Variants in PRELID2 observed in about 807,000 individuals in gnomAD.
PRELID2 encodes the protein PRELI domain containing 2, also known as PRELI domain-containing protein 2.
PRELID2 carries 25 observed loss-of-function variants against 28.4 expected under a neutral mutation model. The ratio of observed to expected loss-of-function variants is 0.88; its 90% CI spans 0.64 to 1.23. The LOEUF is 1.23. Among genes scored for constraint, PRELID2 ranks in the 50% most tolerant of loss-of-function variants. The probability of loss-of-function intolerance (pLI) is 0.00; values close to 1 mark genes in which losing one functional copy is unlikely to be tolerated. For synonymous variants in PRELID2, 76 were observed against 71.6 expected (o/e 1.06, Z -0.31); for missense variants, 201 against 214.4 (o/e 0.94, Z 0.39).
chr5:145,834,488 C>T (rs924517432), intron 1 of PRELID2, among the ~76,000 whole-genome samples: 2 of 152,150 alleles, frequency 1.3e-5, no homozygotes, highest in African/African-American at 4.8e-5. Context: ...TTTAAAAACC[C>T]ACTTTCGACT....
At chr5:145,479,003 T>C (rs1206562418) in intron 1 of PRELID2, among the ~76,000 whole-genome samples, 1 of 152,188 alleles carries the variant, frequency 6.6e-6, no homozygotes, top group East Asian at 1.9e-4. Context: ...GCCTTCAGAA[T>C]CAAGAAGATT....
At chr5:145,786,513 T>A (rs192548013) in intron 5 of PRELID2, among the ~76,000 whole-genome samples, 4 of 152,244 alleles carry the variant, frequency 2.6e-5, no homozygotes, top group Admixed American at 2.6e-4. Context: ...CCATGTGAGT[T>A]TGGAGATGAA....
chr5:145,415,371 T>C, the PRELID2 span, among the ~76,000 whole-genome samples: 42 of 152,024 alleles, frequency 2.8e-4, no homozygotes, highest in East Asian at 2.1e-3. Flanking sequence ...CATGCTGGTG[T>C]GCTGCACCCA....
chr5:145,732,453 T>A (rs899322713), intron 1 of PRELID2, among the ~76,000 whole-genome samples: 2 of 152,256 alleles, frequency 1.3e-5, no homozygotes, highest in African/African-American at 4.8e-5. Context: ...ATGTTCTATA[T>A]CCGCACTGTC....
At chr5:145,294,457 T>C in the PRELID2 span, among the ~76,000 whole-genome samples, 1 of 152,150 alleles carries the variant, frequency 6.6e-6, no homozygotes, top group Non-Finnish European at 1.5e-5. Flanking sequence ...AACTAAAAGT[T>C]CTGTATCCAC....
chr5:145,821,453 G>A (rs2149871228), intron 2 of PRELID2, among the ~76,000 whole-genome samples: 1 of 152,234 alleles, frequency 6.6e-6, no homozygotes, highest in South Asian at 2.1e-4. Flanking sequence ...CTGCGGTGAA[G>A]TTTCCAGAAT....
intron 1 of PRELID2, among the ~76,000 whole-genome samples, chr5:145,645,854 T>C (rs909920279): frequency 6.6e-6 from 1 of 152,212 alleles, no homozygotes; most frequent in Admixed American, 6.5e-5. Context: ...ATGTTGAATA[T>C]TGGCCCCACT....
chr5:145,333,665 G>A, the PRELID2 span, among the ~76,000 whole-genome samples: 1 of 152,220 alleles, frequency 6.6e-6, no homozygotes, highest in Non-Finnish European at 1.5e-5. Context: ...TGCTTTGCTG[G>A]CAGCGAGAAT....
intron 1 of PRELID2, among the ~76,000 whole-genome samples, chr5:145,680,753 G>T (rs946948170): frequency 1.3e-5 from 2 of 152,038 alleles, no homozygotes; most frequent in Non-Finnish European, 2.9e-5. Flanking sequence ...GCTTAAGATA[G>T]TTTTAGTGCT....
At chr5:145,807,808 C>A (rs1041372829) in intron 4 of PRELID2, among the ~76,000 whole-genome samples, 2 of 152,106 alleles carry the variant, frequency 1.3e-5, no homozygotes, top group African/African-American at 4.8e-5. Flanking sequence ...GGTGATGAAG[C>A]ATCTTCTGGG....
At chr5:145,580,833 C>T (rs879438041) in intron 1 of PRELID2, among the ~76,000 whole-genome samples, 18 of 152,050 alleles carry the variant, frequency 1.2e-4, no homozygotes, top group Non-Finnish European at 2.2e-4. Context: ...ACTTGAATTA[C>T]TGGAGCTAGC....
chr5:145,803,496 T>C (rs970516923), intron 4 of PRELID2, among the ~76,000 whole-genome samples: 1 of 152,126 alleles, frequency 6.6e-6, no homozygotes, highest in African/African-American at 2.4e-5. Flanking sequence ...ATTCACATCT[T>C]GTTTTAGCTT....
intron 1 of PRELID2, among the ~76,000 whole-genome samples, chr5:145,824,084 C>A (rs2149875971): frequency 6.6e-6 from 1 of 152,194 alleles, no homozygotes; most frequent in South Asian, 2.1e-4. Context: ...TAAATTAACA[C>A]AATCCTTTCC....
At chr5:145,630,409 C>T (rs1414587934) in intron 1 of PRELID2, among the ~76,000 whole-genome samples, 3 of 152,082 alleles carry the variant, frequency 2.0e-5, no homozygotes, top group Non-Finnish European at 4.4e-5. Context: ...GTATGCCTTA[C>T]CTATTCCAAA....
At chr5:145,373,713 A>T in the PRELID2 span, among the ~76,000 whole-genome samples, 295 of 56,284 alleles carry the variant, frequency 5.2e-3, 14 homozygotes, top group South Asian at 7.8e-3. Context: ...AACATATATA[A>T]TATATATGAT....
At chr5:145,572,479 T>C (rs1430792063) in intron 1 of PRELID2, among the ~76,000 whole-genome samples, 8 of 152,242 alleles carry the variant, frequency 5.3e-5, no homozygotes, top group Non-Finnish European at 1.2e-4. Flanking sequence ...AATTAATACA[T>C]ATAAAGCACT....
intron 1 of PRELID2, among the ~76,000 whole-genome samples, chr5:145,490,119 T>C (rs1165144396): frequency 6.6e-6 from 1 of 152,204 alleles, no homozygotes; most frequent in Admixed American, 6.5e-5. Context: ...CACCTCCATA[T>C]AGAAGACATA....
chr5:145,685,184 C>A (rs1003161916), intron 1 of PRELID2, among the ~76,000 whole-genome samples: 2 of 152,168 alleles, frequency 1.3e-5, no homozygotes, highest in African/African-American at 2.4e-5. Context: ...AGAATTCTTA[C>A]TCTGAAATAT....
chr5:145,562,720 T>G (rs900789265), intron 1 of PRELID2, among the ~76,000 whole-genome samples: 2 of 151,878 alleles, frequency 1.3e-5, no homozygotes, highest in African/African-American at 4.8e-5. Flanking sequence ...ACAAGTTTTA[T>G]AAATCATGAA....
Sources: allele counts gnomAD v4.1 joint callset (sites outside exome capture counted in the v4.1 genomes callset), GRCh38; gene constraint gnomAD v4.1.1; transcripts MANE v1.5; gene names NCBI Gene and HGNC (gene_info 2026-07-23, HGNC 2026-07-21).